Variants in PKD2L2 observed in about 807,000 individuals in gnomAD.
PKD2L2 encodes polycystin 2 like 2, transient receptor potential cation channel.
PKD2L2 carries 67 observed loss-of-function variants against 83.9 expected under a neutral mutation model. The ratio of observed to expected loss-of-function variants is 0.80; its 90% CI spans 0.66 to 0.98. The LOEUF is 0.98. Among genes scored for constraint, PKD2L2 ranks in the 50% least tolerant of loss-of-function variants. The pLI is 0.00. For synonymous variants in PKD2L2, 223 were observed against 237.8 expected, an observed-to-expected ratio of 0.94 and a Z score of 0.57; for missense variants, 632 against 717.2, an observed-to-expected ratio of 0.88 and a Z score of 1.36.
In PKD2L2 at chr5:137,935,996, C is replaced by T. The variant is rs1328387206; in HGVS notation, c.1784+87C>T. ...GTTAAACACATTATTTTCCTGAACC[C>T]AAAACTTTACTCTATTAGGATGCCT... On this transcript the variant is annotated intron_variant, in intron 13 of 14. Transcript: ENST00000508883. 4 of 781,316 alleles carry T rather than the reference C, an allele frequency of 5.1e-6. No homozygotes were observed. The African/African-American group carries it at 5.2e-5, about 10-fold the overall frequency. The allele number at this position is 781,316 out of a possible 1,614,324, so 48.4% of individuals were successfully genotyped here.
intron 5 of PKD2L2, among the ~76,000 whole-genome samples, chr5:137,903,071 G>A (rs552636550): frequency 6.6e-6 from 1 of 152,188 alleles, no homozygotes; most frequent in Non-Finnish European, 1.5e-5. Context: ...ACAGAGTTCA[G>A]TTGATCCAGC....
At chr5:137,942,038 A>C in intron 14 of PKD2L2, 1 of 1,613,346 alleles carries the variant, frequency 6.2e-7, no homozygotes. Flanking sequence ...TGTTCCAATA[A>C]TTCAGGCCTA....
Position 137,942,608 on chromosome 5 carries a change from C to CT in PKD2L2, c.*243dup. ...GAACTCCTGGCCTCAAGGGATCCTCCTGCCTCAGCTTCAAAAACTGCTGGG... is the reference window on the plus strand; with the variant it reads ...GAACTCCTGGCCTCAAGGGATCCTCCTTGCCTCAGCTTCAAAAACTGCTGGG... On this transcript the variant is annotated 3_prime_UTR_variant, in exon 15 of 15. Coordinates refer to ENST00000508883, the MANE Select transcript of PKD2L2 (RefSeq NM_001300921.2). 2.6e-6 allele frequency: 1 copy of CT among 377,518 alleles called. No individual in the cohort carries two copies. Among genetic ancestry groups the CT allele is most frequent in the East Asian group, 5.7e-5 (1 of 17,546 alleles). 23.4% of individuals were successfully genotyped at this position (377,518 alleles called of 1,614,324 possible).
chr5:137,934,986 T>C (rs1561710459), intron 12 of PKD2L2, among the ~76,000 whole-genome samples: 1 of 152,222 alleles, frequency 6.6e-6, no homozygotes, highest in Admixed American at 6.5e-5. Flanking sequence ...ACAGAGTGTA[T>C]GGCACTAGGC....
intron 14 of PKD2L2, chr5:137,939,920 G>C: frequency 1.5e-6 from 2 of 1,329,376 alleles, no homozygotes; most frequent in Middle Eastern, 2.8e-4. Context: ...TCTTGAAGTT[G>C]AAAGGATAAA....
At chr5:137,906,132 T>C in intron 5 of PKD2L2, 74 bp from the exon 6 acceptor site, 2 of 841,606 alleles carry the variant, frequency 2.4e-6, no homozygotes, top group Non-Finnish European at 3.8e-6. Flanking sequence ...AATCATTGAT[T>C]GAAAATTTCA....
intron 12 of PKD2L2, among the ~76,000 whole-genome samples, chr5:137,931,897 G>A (rs933281209): frequency 6.6e-6 from 1 of 152,222 alleles, no homozygotes; most frequent in African/African-American, 2.4e-5. Context: ...AGATAATTAG[G>A]TAAACTGGTA....
chr5:137,899,446 G>A (rs1756769618), intron 4 of PKD2L2, 70 bp from the exon 5 acceptor site: 8 of 1,081,252 alleles, frequency 7.4e-6, no homozygotes, highest in Middle Eastern at 2.1e-4. Flanking sequence ...ACCAAAGATC[G>A]ATTTAAATTC....
In PKD2L2 at chr5:137,942,387, CAG is replaced by C. The variant is rs1762119331; in HGVS notation, c.*24_*25del. ...ATTTGTTTGTTTCCTTTTTTAGAGACAGAGTCTCACTCTGTCGCCCAGGCTGG... is the reference window on the plus strand; with the variant it reads ...ATTTGTTTGTTTCCTTTTTTAGAGACAGTCTCACTCTGTCGCCCAGGCTGG... On this transcript the variant is annotated 3_prime_UTR_variant, in exon 15 of 15. Transcript: ENST00000508883. The C allele has an allele frequency of 4.0e-6, 1 of 250,632 alleles. No individual in the cohort carries two copies. Among genetic ancestry groups the C allele is most frequent in the Non-Finnish European group, 7.7e-6 (1 of 130,660 alleles). The allele number at this position is 250,632 out of a possible 1,614,324, so 15.5% of individuals were successfully genotyped here. A position where few individuals can be genotyped will look rare whatever the true frequency, so the allele number is the denominator to read the frequency against.
intron 3 of PKD2L2, 107 bp from the exon 4 acceptor site, chr5:137,894,246 C>T: frequency 2.0e-6 from 2 of 980,912 alleles, no homozygotes; most frequent in Non-Finnish European, 1.5e-6. Context: ...GTAGCTTGGT[C>T]AATAGTTTGA....
In PKD2L2 at chr5:137,925,863, T is replaced by C. The variant is rs370103568; in HGVS notation, c.1617-12T>C. On this transcript the variant is annotated splice_polypyrimidine_tract_variant and intron_variant, in intron 11 of 14. Transcript: ENST00000508883. ...TCATTTGCCTCTGACTTTTATTTTA[T>C]ATTCTCAATAGCAAAGGCAGCGGAG... 5.7e-6 allele frequency: 9 copies of C among 1,571,070 alleles called. No homozygotes were observed. The highest frequency in any genetic ancestry group is 2.7e-5 in the African/African-American group (2 of 74,008).
chr5:137,913,102 T>C (rs1478203254), intron 8 of PKD2L2, among the ~76,000 whole-genome samples: 2 of 151,814 alleles, frequency 1.3e-5, no homozygotes, highest in Non-Finnish European at 2.9e-5. Context: ...CTGGAACTCT[T>C]GACCTCAGGT....
chr5:137,899,665 C>G lies in PKD2L2; in HGVS notation c.674C>G (p.Thr225Arg), dbSNP rs1231817844. The G allele has an allele frequency of 3.7e-6, 6 of 1,613,094 alleles. No individual in the cohort carries two copies. Among genetic ancestry groups the G allele is most frequent in the Non-Finnish European group, 4.2e-6 (5 of 1,179,184 alleles). Residue 225 changes from threonine (T) to arginine (R), a missense_variant, in exon 5 of 15, where the codon ACA (threonine) becomes AGA (arginine). Physicochemically the swap from Thr to Arg is moderately conservative, Grantham distance 71. Coordinates refer to ENST00000508883, the MANE Select transcript of PKD2L2 (RefSeq NM_001300921.2). The part of the protein sequence containing the change: ...FIDLRLNSWI[T>R]RGTRVIFIDF... ...GACCTTCGACTGAACAGCTGGATCACAAGAGGGACTAGAGTTATTTTTATT... is the reference window on the plus strand; with the variant it reads ...GACCTTCGACTGAACAGCTGGATCAGAAGAGGGACTAGAGTTATTTTTATT...
rs377634546 is a variant in PKD2L2 at position 137,908,999 on chromosome 5, A to T, written c.1328+53A>T. 1,052 of 1,109,212 alleles carry T rather than the reference A, an allele frequency of 9.5e-4. 12 individuals are homozygous for T. Among genetic ancestry groups the T allele is most frequent in the Middle Eastern group, 8.0e-3 (27 of 3,392 alleles). The allele number at this position is 1,109,212 out of a possible 1,614,324, so 68.7% of individuals were successfully genotyped here. On this transcript the variant is annotated intron_variant, in intron 8 of 14. Coordinates refer to ENST00000508883, the MANE Select transcript of PKD2L2 (RefSeq NM_001300921.2). The stretch of plus-strand genomic sequence containing the variant: ...ATCTTCTATATTTTCTTACAAAAAA[A>T]ATTGGAAAGGTCTAACCTTCTATGA...
At chr5:137,940,555 A>G in intron 14 of PKD2L2, 1 of 516,100 alleles carries the variant, frequency 1.9e-6, no homozygotes, top group Middle Eastern at 5.1e-4. Context: ...CTACTGATAG[A>G]TTAAATGATG....
intron 5 of PKD2L2, among the ~76,000 whole-genome samples, chr5:137,901,136 C>CAAA (rs368207131): frequency 8.4e-6 from 1 of 118,502 alleles, no homozygotes; most frequent in South Asian, 2.6e-4. Flanking sequence ...AACTGTGTCT[C>CAAA]AAAAAAAAAA....
chr5:137,941,880 C>G (rs1761957134), intron 14 of PKD2L2: 1 of 1,328,726 alleles, frequency 7.5e-7, no homozygotes, highest in South Asian at 1.2e-5. Context: ...TCCATTATTT[C>G]AACATATGGT....
At chr5:137,921,444 G>A (rs1019139562) in intron 8 of PKD2L2, among the ~76,000 whole-genome samples, 192 bp from the exon 9 acceptor site, 4 of 151,396 alleles carry the variant, frequency 2.6e-5, no homozygotes, top group Admixed American at 2.0e-4. Flanking sequence ...TTCAGCTATC[G>A]AGGTACCTTA....
In PKD2L2 at chr5:137,906,224, T is replaced by C. The variant is rs1757353939; in HGVS notation, c.765T>C (p.Pro255=). ...TTTACAGATTGGTGGCAGAATTCCC[T>C]GCAACTGGAGGAATACTTACTTCAT... The part of the protein sequence containing the change: ...FCIIRLVAEF[P]ATGGILTSWQ... Residue 255 remains proline, a synonymous_variant, in exon 6 of 15, where the codon CCT becomes CCC. Transcript: ENST00000508883. The C allele has an allele frequency of 2.5e-6, 4 of 1,602,980 alleles. No homozygotes were observed. The highest frequency in any genetic ancestry group is 1.3e-5 in the African/African-American group (1 of 74,496).
Sources: gnomAD v4.1 joint callset for allele counts (sites outside exome capture counted in the v4.1 genomes callset) on GRCh38, gnomAD v4.1.1 for gene constraint, MANE v1.5 for transcripts, NCBI Gene and HGNC (gene_info 2026-07-23, HGNC 2026-07-21) for gene names.